The following H2BC4 variants were observed in gnomAD, a reference collection of about 807,000 sequenced individuals.
H2BC4 encodes histone H2B type 1-C/E/F/G/I.
A neutral mutation model predicts 6.2 loss-of-function variants in H2BC4; 10 were observed. The observed-to-expected ratio is 1.61, with a 90% CI of 0.99 to 2.73. The LOEUF (loss-of-function observed/expected upper bound fraction) is 2.73. H2BC4 is among the 30% of genes most tolerant of loss of function. The pLI is 0.00. For synonymous variants in H2BC4, 146 were observed against 70.7 expected (o/e 2.07, Z -5.35); for missense variants, 176 against 168.7 (o/e 1.04, Z -0.24).
At position 26,123,923 on chromosome 6, in the gene H2BC4, T is replaced by A; in HGVS notation, c.-19A>T. The A allele has an allele frequency of 1.2e-6, 2 of 1,610,048 alleles. No individual in the cohort carries two copies. The highest frequency in any genetic ancestry group is 1.1e-5 in the South Asian group (1 of 90,690). On this transcript the variant is annotated 5_prime_UTR_variant, in exon 1 of 1. Transcript: ENST00000396984. The stretch of plus-strand genomic sequence containing the variant: ...CAGGCATCTTAAAACACCAGAAATG[T>A]GTCGAAAGTAAAGAGCGGATTTCTG...
chr6:26,113,818 C>T (rs1453177163), downstream of H2BC4, among the ~76,000 whole-genome samples: 1 of 151,708 alleles, frequency 6.6e-6, no homozygotes, highest in African/African-American at 2.4e-5. Context: ...TGTGAGAGCT[C>T]ACATAGCCTT....
chr6:26,123,890 G>T lies in H2BC4; in HGVS notation c.15C>A (p.Ala5=). 1 of 1,613,930 alleles carries T rather than the reference G, an allele frequency of 6.2e-7. No individual in the cohort carries two copies. Among genetic ancestry groups the T allele is most frequent in the Non-Finnish European group, 8.5e-7 (1 of 1,179,982 alleles). ...CCTTCTTCGGGGCGGGAGCAGACTTGGCTGGCTCAGGCATCTTAAAACACC... is the reference window on the plus strand; with the variant it reads ...CCTTCTTCGGGGCGGGAGCAGACTTTGCTGGCTCAGGCATCTTAAAACACC... MPEP[A]KSAPAPKKGS... is the part of the protein sequence containing the mutation. Residue 5 remains alanine (A), a synonymous_variant, in exon 1 of 1, where the codon GCC becomes GCA. Coordinates refer to ENST00000396984, the MANE Select transcript of H2BC4 (RefSeq NM_003526.3).
At chr6:26,118,354 A>T (rs986947791) in intron 1 of H2BC4, among the ~76,000 whole-genome samples, 3 of 151,948 alleles carry the variant, frequency 2.0e-5, no homozygotes, top group Non-Finnish European at 4.4e-5. Context: ...AACTTTAGTT[A>T]AACAAGTTCA....
downstream of H2BC4, among the ~76,000 whole-genome samples, chr6:26,122,435 C>A (rs1763512706): frequency 6.6e-6 from 1 of 152,110 alleles, no homozygotes; most frequent in Non-Finnish European, 1.5e-5. Flanking sequence ...CTACGTCTAA[C>A]CCTTCATCTT....
intron 1 of H2BC4, among the ~76,000 whole-genome samples, chr6:26,115,335 T>C (rs1763405365): frequency 6.6e-6 from 1 of 152,208 alleles, no homozygotes; most frequent in South Asian, 2.1e-4. Flanking sequence ...AGATACCTAC[T>C]GTCATTCTCC....
downstream of H2BC4, among the ~76,000 whole-genome samples, chr6:26,119,759 T>C (rs1455812467): frequency 6.6e-6 from 1 of 151,560 alleles, no homozygotes. Flanking sequence ...TTTTACAGTA[T>C]AAGAATAAAG....
downstream of H2BC4, chr6:26,123,421 G>A (rs28365923): frequency 0.014 from 21,595 of 1,544,676 alleles, 623 homozygotes; most frequent in African/African-American, 0.089. Context: ...CCCCTCCGCC[G>A]CCAAATAAAA....
Position 26,123,602 on chromosome 6 carries a change from C to T in H2BC4, c.303G>A (p.Leu101=), listed in dbSNP as rs755866103. ...TSREIQTAVR[L]LLPGELAKHA... ...GCTTGGCCAGCTCTCCGGGAAGCAG[C>T]AGGCGCACGGCCGTCTGGATCTCCC... is the stretch of plus-strand genomic sequence containing the variant. Residue 101 remains leucine, a synonymous_variant, in exon 1 of 1, where the codon CTG becomes CTA. Coordinates refer to ENST00000396984, the MANE Select transcript of H2BC4 (RefSeq NM_003526.3). 6.2e-7 allele frequency: 1 copy of T among 1,614,264 alleles called. No homozygotes were observed.
chr6:26,116,634 A>G (rs1424307608), intron 1 of H2BC4, among the ~76,000 whole-genome samples: 2 of 151,986 alleles, frequency 1.3e-5, no homozygotes, highest in Non-Finnish European at 2.9e-5. Flanking sequence ...CAGAAGGTGG[A>G]GGTTACAATG....
At chr6:26,117,647 G>A (rs916809248) in intron 1 of H2BC4, among the ~76,000 whole-genome samples, 5 of 152,112 alleles carry the variant, frequency 3.3e-5, no homozygotes, top group African/African-American at 9.7e-5. Flanking sequence ...ATAGGCTCAG[G>A]GTAGTTGAGT....
chr6:26,121,952 C>G (rs1763502014), downstream of H2BC4, among the ~76,000 whole-genome samples: 1 of 150,884 alleles, frequency 6.6e-6, no homozygotes, highest in Non-Finnish European at 1.5e-5. Flanking sequence ...ACTCCGGAGG[C>G]TGAGGCAGGA....
chr6:26,123,002 A>C (rs547786423), downstream of H2BC4, among the ~76,000 whole-genome samples: 1 of 152,310 alleles, frequency 6.6e-6, no homozygotes, highest in Non-Finnish European at 1.5e-5. Flanking sequence ...GTGCGCCACG[A>C]AAACAGAGGG....
chr6:26,120,230 A>G (rs1014559689), downstream of H2BC4, among the ~76,000 whole-genome samples: 1 of 152,148 alleles, frequency 6.6e-6, no homozygotes, highest in Non-Finnish European at 1.5e-5. Context: ...TGGGAGGCCG[A>G]GGTGGATCAC....
At chr6:26,114,981 A>T (rs1187815316) in exon 2 of H2BC4, 2 of 152,188 alleles carry the variant, frequency 1.3e-5, no homozygotes, top group African/African-American at 4.8e-5. Flanking sequence ...AATTTTTCTC[A>T]GCCAGGTGTT....
downstream of H2BC4, among the ~76,000 whole-genome samples, chr6:26,123,202 A>T (rs1763531425): frequency 6.6e-6 from 1 of 152,228 alleles, no homozygotes; most frequent in Admixed American, 6.5e-5. Context: ...AGGGACAGAC[A>T]GCTGGGTCTG....
downstream of H2BC4, among the ~76,000 whole-genome samples, chr6:26,120,248 C>T (rs1273982829): frequency 1.3e-5 from 2 of 152,060 alleles, no homozygotes; most frequent in Admixed American, 1.3e-4. Context: ...CACCTGAGTT[C>T]GAGACCAGTT....
rs201200747 is a variant in H2BC4 at position 26,123,846 on chromosome 6, G to C, written c.59C>G (p.Thr20Ser). ...APKKGSKKAV[T>S]KAQKKDGKKR... Reference sequence around the variant, plus strand: ...CTTGCCATCTTTCTTCTGCGCTTTGGTCACTGCCTTCTTGGAGCCCTTCTT... The same window carrying C: ...CTTGCCATCTTTCTTCTGCGCTTTGCTCACTGCCTTCTTGGAGCCCTTCTT... The change falls in exon 1 of 1, where the codon ACC becomes AGC. Residue 20 changes from threonine (T) to serine (S), a missense_variant. By Grantham distance (58) the Thr-to-Ser change is moderately conservative. Coordinates refer to ENST00000396984, the MANE Select transcript of H2BC4 (RefSeq NM_003526.3). 1 of 1,614,250 alleles carries C rather than the reference G, an allele frequency of 6.2e-7. No individual in the cohort carries two copies. The highest frequency in any genetic ancestry group is 2.2e-5 in the East Asian group (1 of 44,888).
chr6:26,114,212 T>G (rs1763391923), downstream of H2BC4, among the ~76,000 whole-genome samples: 2 of 152,204 alleles, frequency 1.3e-5, no homozygotes, highest in Admixed American at 1.3e-4. Flanking sequence ...AGGCACCTGA[T>G]AAATATTTAT....
downstream of H2BC4, among the ~76,000 whole-genome samples, chr6:26,119,690 T>C (rs1439860147): frequency 6.6e-6 from 1 of 151,974 alleles, no homozygotes; most frequent in Non-Finnish European, 1.5e-5. Context: ...GCTTTTGTTT[T>C]TGTTTTTTAG....
Sources: gnomAD v4.1 joint callset for allele counts (sites outside exome capture counted in the v4.1 genomes callset) on GRCh38, gnomAD v4.1.1 for gene constraint, MANE v1.5 for transcripts, NCBI Gene and HGNC (gene_info 2026-07-23, HGNC 2026-07-21) for gene names.